The following HPSE2 variants were observed in gnomAD, a reference collection of about 807,000 sequenced individuals.
HPSE2 encodes the protein inactive heparanase-2.
HPSE2 carries 38 observed loss-of-function variants against 60.5 expected under a neutral mutation model. That is an observed-to-expected ratio of 0.63 (90% confidence interval 0.48 to 0.82). The LOEUF is 0.82. Among genes scored for constraint, HPSE2 ranks in the 40% least tolerant of loss-of-function variants. The pLI is 0.00. For missense variants in HPSE2, 713 were observed against 740.4 expected, an observed-to-expected ratio of 0.96 and a Z score of 0.43; for synonymous variants, 295 against 293.2, an observed-to-expected ratio of 1.01 and a Z score of -0.06.
intron 9 of HPSE2, among the ~76,000 whole-genome samples, chr10:98,584,190 G>A (rs1470650330): frequency 2.0e-5 from 3 of 152,180 alleles, no homozygotes; most frequent in Non-Finnish European, 4.4e-5. Flanking sequence ...GGTAAAAAGA[G>A]TGTGAAGGGA....
intron 3 of HPSE2, among the ~76,000 whole-genome samples, chr10:99,034,982 G>GT (rs1460366032): frequency 2.0e-5 from 3 of 152,174 alleles, no homozygotes; most frequent in Non-Finnish European, 4.4e-5. Flanking sequence ...GTTTCCCTGA[G>GT]TGTGTCAGTG....
chr10:99,022,248 A>G (rs982477181), intron 3 of HPSE2, among the ~76,000 whole-genome samples: 4 of 151,952 alleles, frequency 2.6e-5, no homozygotes, highest in Non-Finnish European at 5.9e-5. Flanking sequence ...TAAAGAAGAA[A>G]AGAAAACTGG....
rs562362913 is a variant in HPSE2, at chr10:99,063,923, T to G, written c.610+80315A>C. On this transcript the variant is annotated intron_variant, in intron 3 of 11. Coordinates refer to ENST00000370552, the MANE Select transcript of HPSE2 (RefSeq NM_021828.5). ...TCCTGGCCAACACGGTGAAACCCCATCTCTACTAAAAATACAAAAATTATC... is the reference window on the plus strand; with the variant it reads ...TCCTGGCCAACACGGTGAAACCCCAGCTCTACTAAAAATACAAAAATTATC... 3.9e-5 allele frequency among the ~76,000 whole-genome samples: 6 copies of G among 152,122 alleles called. No homozygotes were observed. In the East Asian group the frequency reaches 1.2e-3, roughly 30 times the overall value.
At chr10:98,516,049 A>G (rs1337271821) in intron 9 of HPSE2, among the ~76,000 whole-genome samples, 1 of 152,164 alleles carries the variant, frequency 6.6e-6, no homozygotes, top group Admixed American at 6.5e-5. Context: ...CACGGTTCAC[A>G]CTATATGTGA....
intron 3 of HPSE2, among the ~76,000 whole-genome samples, chr10:98,967,958 C>G (rs1428464584): frequency 2.6e-5 from 4 of 152,144 alleles, no homozygotes; most frequent in Non-Finnish European, 4.4e-5. Context: ...ATACATATGA[C>G]TCACTTACTC....
rs1555017138 is a variant in HPSE2 at position 98,852,113 on chromosome 10, A to ATGTG, written c.611-108061_611-108058dup. ...GGTTTTGCAAACCTTGTATATTATG[A>ATGTG]TGTGTGTGTGTGTGTGTGTGTGTGT... is the stretch of plus-strand genomic sequence containing the variant. On this transcript the variant is annotated intron_variant, in intron 3 of 11. Coordinates refer to ENST00000370552, the MANE Select transcript of HPSE2 (RefSeq NM_021828.5). 5.5e-3 allele frequency among the ~76,000 whole-genome samples: 505 copies of ATGTG among 91,868 alleles called. 1 individual carries two copies. The highest frequency in any genetic ancestry group is 0.019 in the Middle Eastern group (3 of 154). The allele number at this position is 91,868 out of a possible 152,430, so 60.3% of individuals were successfully genotyped here. A position where few individuals can be genotyped will look rare whatever the true frequency, so the allele number is the denominator to read the frequency against.
chr10:99,106,544 A>G (rs1844255861), intron 3 of HPSE2, among the ~76,000 whole-genome samples: 1 of 151,852 alleles, frequency 6.6e-6, no homozygotes, highest in African/African-American at 2.4e-5. Context: ...CATGATATAT[A>G]TAATCTTTTT....
At chr10:99,278,306 C>T in the HPSE2 span, among the ~76,000 whole-genome samples, 1 of 152,088 alleles carries the variant, frequency 6.6e-6, no homozygotes, top group Non-Finnish European at 1.5e-5. Context: ...ATAATAAATA[C>T]ATATTACTTA....
chr10:99,309,012 G>A, the HPSE2 span, among the ~76,000 whole-genome samples: 2 of 152,288 alleles, frequency 1.3e-5, no homozygotes, highest in Middle Eastern at 6.8e-3. Flanking sequence ...TTAAATGAGT[G>A]CTGGCAGAGA....
At chr10:99,067,149 T>G (rs2135538087) in intron 3 of HPSE2, among the ~76,000 whole-genome samples, 1 of 152,314 alleles carries the variant, frequency 6.6e-6, no homozygotes, top group Non-Finnish European at 1.5e-5. Context: ...AGAGGTGGGC[T>G]CCCACAGCCT....
At chr10:99,280,498 C>T in the HPSE2 span, among the ~76,000 whole-genome samples, 1 of 152,156 alleles carries the variant, frequency 6.6e-6, no homozygotes, top group African/African-American at 2.4e-5. Context: ...CTAATGATTA[C>T]TTCAACTTCC....
chr10:99,224,099 C>A (rs1849398591), intron 2 of HPSE2, among the ~76,000 whole-genome samples: 1 of 151,938 alleles, frequency 6.6e-6, no homozygotes, highest in African/African-American at 2.4e-5. Context: ...CTCTTGGTTG[C>A]CCCAATATCT....
chr10:99,212,600 C>T (rs1436058037), intron 2 of HPSE2, among the ~76,000 whole-genome samples: 3 of 151,996 alleles, frequency 2.0e-5, no homozygotes, highest in Admixed American at 6.6e-5. Flanking sequence ...TATTTGTAAA[C>T]CCACAGAAGC....
chr10:98,925,583 G>T (rs527985723), intron 3 of HPSE2, among the ~76,000 whole-genome samples: 5 of 152,126 alleles, frequency 3.3e-5, no homozygotes, highest in Non-Finnish European at 7.4e-5. Flanking sequence ...AACCAATGGG[G>T]ATGAAGTGCA....
intron 2 of HPSE2, among the ~76,000 whole-genome samples, chr10:99,182,797 C>T (rs1364592971): frequency 6.6e-6 from 1 of 151,926 alleles, no homozygotes; most frequent in Non-Finnish European, 1.5e-5. Flanking sequence ...GAGATCGAGA[C>T]CATCCTGGCC....
At chr10:99,227,419 T>C (rs556743537) in intron 2 of HPSE2, among the ~76,000 whole-genome samples, 1 of 152,190 alleles carries the variant, frequency 6.6e-6, no homozygotes, top group African/African-American at 2.4e-5. Flanking sequence ...TAAAATGTAG[T>C]TCTAGTGCAA....
At chr10:98,904,271 G>T (rs532359904) in intron 3 of HPSE2, among the ~76,000 whole-genome samples, 17 of 152,008 alleles carry the variant, frequency 1.1e-4, no homozygotes, top group Middle Eastern at 3.4e-3. Context: ...AATAGTTTTT[G>T]GGGGAAAAAA....
At chr10:98,603,355 T>C (rs1213669392) in intron 9 of HPSE2, among the ~76,000 whole-genome samples, 1 of 151,904 alleles carries the variant, frequency 6.6e-6, no homozygotes, top group East Asian at 1.9e-4. Flanking sequence ...TCACAGCAAA[T>C]ACTGGGCAAA....
At chr10:98,930,863 T>C (rs1429274486) in intron 3 of HPSE2, among the ~76,000 whole-genome samples, 5 of 144,436 alleles carry the variant, frequency 3.5e-5, no homozygotes, top group Non-Finnish European at 7.4e-5. Flanking sequence ...AGATTCTGGA[T>C]ATTAGCCCTT....
Sources: gnomAD v4.1 joint callset for allele counts (sites outside exome capture counted in the v4.1 genomes callset) on GRCh38, gnomAD v4.1.1 for gene constraint, MANE v1.5 for transcripts, NCBI Gene and HGNC (gene_info 2026-07-23, HGNC 2026-07-21) for gene names.